PRORP: variants seen among roughly 807,000 people sequenced by gnomAD.
PRORP encodes the protein mitochondrial ribonuclease P catalytic subunit.
In PRORP, 51 loss-of-function variants were observed where a neutral mutation model predicts 59.4. That is an observed-to-expected ratio of 0.86 (90% CI 0.69 to 1.08). The LOEUF (loss-of-function observed/expected upper bound fraction) is 1.08, where lower values mean the gene tolerates loss of function less well. PRORP is among the 50% of genes least tolerant of loss of function. The pLI is 0.00. For synonymous variants in PRORP, 231 were observed against 245.6 expected, an observed-to-expected ratio of 0.94 and a Z score of 0.55; for missense variants, 646 against 690.3, an observed-to-expected ratio of 0.94 and a Z score of 0.72.
chr14:35,273,649 G>A lies in PRORP; in HGVS notation c.*83G>A, dbSNP rs768522762. 7.8e-6 allele frequency: 10 copies of A among 1,287,006 alleles called. No homozygotes were observed. The highest frequency in any genetic ancestry group is 9.6e-6 in the Non-Finnish European group (9 of 936,952). The allele number at this position is 1,287,006 out of a possible 1,614,324, so 79.7% of individuals were successfully genotyped here. A position where few individuals can be genotyped will look rare whatever the true frequency, so the allele number is the denominator to read the frequency against. On this transcript the variant is annotated 3_prime_UTR_variant, in exon 8 of 8. Transcript: ENST00000534898. ...GCTCTTGAGCTGGTGTTTGTTTAGG[G>A]CATTGCCTCTGTCCTGAAGATAAAA...
chr14:35,262,408 TTA>T (rs2050928725), intron 5 of PRORP: 3 of 359,378 alleles, frequency 8.3e-6, no homozygotes, highest in Non-Finnish European at 1.6e-5. Flanking sequence ...GCTTATAAGA[TTA>T]TGTTTAAAAA....
intron 5 of PRORP, among the ~76,000 whole-genome samples, chr14:35,263,316 C>T (rs1334545684): frequency 2.6e-5 from 4 of 152,000 alleles, no homozygotes; most frequent in East Asian, 1.9e-4. Flanking sequence ...TATTTATTAA[C>T]GAAAAAATAT....
chr14:35,139,734 G>C (rs2047442362), intron 4 of PRORP, among the ~76,000 whole-genome samples: 1 of 146,068 alleles, frequency 6.8e-6, no homozygotes, highest in African/African-American at 2.4e-5. Context: ...TCCTAGGGCT[G>C]CCCTAACAAA....
intron 5 of PRORP, among the ~76,000 whole-genome samples, chr14:35,247,541 C>T (rs2050514973): frequency 6.6e-6 from 1 of 152,164 alleles, no homozygotes; most frequent in Non-Finnish European, 1.5e-5. Flanking sequence ...GAACTCCCCA[C>T]TCATCTTACT....
intron 4 of PRORP, among the ~76,000 whole-genome samples, chr14:35,173,996 A>T (rs774390377): frequency 1.3e-5 from 2 of 152,070 alleles, no homozygotes; most frequent in Non-Finnish European, 2.9e-5. Flanking sequence ...CATTCTCAGG[A>T]TGGCTGGTTT....
At position 35,267,018 on chromosome 14, in the gene PRORP, C is replaced by T. The variant is rs1208898326; in HGVS notation, c.1424+143C>T. On this transcript the variant is annotated intron_variant, in intron 6 of 7. Transcript: ENST00000534898. ...AAAAAAAAAAAAAGATTTGAGACAA[C>T]TTACAAAACTACGGTTTCTTCTAAA... 7 of 791,166 alleles carry T rather than the reference C, an allele frequency of 8.8e-6. No individual in the cohort carries two copies. The African/African-American group carries it at 1.3e-4, about 15-fold the overall frequency. The allele number at this position is 791,166 out of a possible 1,614,324, so 49.0% of individuals were successfully genotyped here.
At chr14:35,252,332 C>T (rs767958293) in intron 5 of PRORP, among the ~76,000 whole-genome samples, 6 of 152,054 alleles carry the variant, frequency 3.9e-5, no homozygotes, top group Admixed American at 6.5e-5. Context: ...CTGAAGCAGG[C>T]GGATGACTTG....
chr14:35,154,305 CGTT>C (rs1327398868), intron 4 of PRORP, among the ~76,000 whole-genome samples: 2 of 152,118 alleles, frequency 1.3e-5, no homozygotes, highest in East Asian at 1.9e-4. Flanking sequence ...AGCATCAAAT[CGTT>C]GTTGAGGTTT....
In PRORP at chr14:35,211,495, A is replaced by G. The variant is rs549816563; in HGVS notation, c.1275+30718A>G. 2.0e-5 allele frequency among the ~76,000 whole-genome samples: 3 copies of G among 152,268 alleles called. No individual in the cohort carries two copies. The South Asian group carries it at 6.2e-4, about 32-fold the overall frequency. On this transcript the variant is annotated intron_variant, in intron 5 of 7. Coordinates refer to ENST00000534898, the MANE Select transcript of PRORP (RefSeq NM_014672.4). The stretch of plus-strand genomic sequence containing the variant: ...AATAGACAGATAACTATCAGCCAAG[A>G]AGAAATATACGTATACTGCAGAGAT...
At chr14:35,170,887 T>A (rs1442187600) in intron 4 of PRORP, among the ~76,000 whole-genome samples, 1 of 152,052 alleles carries the variant, frequency 6.6e-6, no homozygotes, top group Non-Finnish European at 1.5e-5. Context: ...TTCACTCTTG[T>A]TGCCCAGGCT....
chr14:35,129,924 CCTG>C (rs1274694347), intron 4 of PRORP, among the ~76,000 whole-genome samples: 8 of 152,134 alleles, frequency 5.3e-5, no homozygotes, highest in African/African-American at 1.9e-4. Context: ...ACTTTGTCTC[CCTG>C]CTTTTTAACT....
chr14:35,253,391 AGAAAGAAAGAAG>A (rs1018711710), intron 5 of PRORP, among the ~76,000 whole-genome samples: 7 of 124,526 alleles, frequency 5.6e-5, no homozygotes, highest in African/African-American at 1.9e-4. Context: ...AGAAAGAAAA[AGAAAGAAAGAAG>A]GAAAGAAAGA....
intron 5 of PRORP, among the ~76,000 whole-genome samples, chr14:35,192,605 G>A (rs1730927730): frequency 6.6e-6 from 1 of 152,116 alleles, no homozygotes; most frequent in African/African-American, 2.4e-5. Flanking sequence ...AATAAATTAG[G>A]TTTTCTTTTC....
At chr14:35,143,669 CAG>C (rs1186215343) in intron 4 of PRORP, among the ~76,000 whole-genome samples, 5 of 144,732 alleles carry the variant, frequency 3.5e-5, no homozygotes, top group African/African-American at 1.2e-4. Flanking sequence ...GTTTTTGAGA[CAG>C]AGTTTTGCTC....
chr14:35,195,534 A>G (rs2048987130), intron 5 of PRORP, among the ~76,000 whole-genome samples: 2 of 152,170 alleles, frequency 1.3e-5, no homozygotes, highest in South Asian at 4.1e-4. Flanking sequence ...TCCTTTATAT[A>G]GTTATGTATT....
chr14:35,169,334 A>C (rs1459729490), intron 4 of PRORP, among the ~76,000 whole-genome samples: 1 of 151,898 alleles, frequency 6.6e-6, no homozygotes, highest in Non-Finnish European at 1.5e-5. Flanking sequence ...ATGTGTGTGT[A>C]TGTGTGTATC....
chr14:35,271,245 G>A (rs1332742650), intron 7 of PRORP, among the ~76,000 whole-genome samples: 5 of 132,582 alleles, frequency 3.8e-5, no homozygotes, highest in African/African-American at 5.7e-5. Flanking sequence ...TACAGCCTCC[G>A]CCTCCCAGGT....
chr14:35,138,019 GA>G (rs1284559626), intron 4 of PRORP, among the ~76,000 whole-genome samples: 1 of 145,930 alleles, frequency 6.9e-6, no homozygotes, highest in Non-Finnish European at 1.5e-5. Context: ...TTTAACAGCA[GA>G]AATTCATTTT....
At position 35,141,913 on chromosome 14, in the gene PRORP, T is replaced by C. The variant is rs951840835; in HGVS notation, c.1167+14302T>C. On this transcript the variant is annotated intron_variant, in intron 4 of 7. Coordinates refer to ENST00000534898, the MANE Select transcript of PRORP (RefSeq NM_014672.4). The stretch of plus-strand genomic sequence containing the variant: ...TTTTTTTTAAGACGGAGTGTTGCTG[T>C]TGTTGCCCAGGCTGGAGTGCAATGG... Among the ~76,000 whole-genome samples the C allele has an allele frequency of 1.3e-4, 18 of 143,696 alleles. 1 individual carries two copies. The highest frequency in any genetic ancestry group is 4.4e-4 in the African/African-American group (18 of 40,850). The allele number at this position is 143,696 out of a possible 152,430, so 94.3% of individuals were successfully genotyped here. A position where few individuals can be genotyped will look rare whatever the true frequency, so the allele number is the denominator to read the frequency against.
Sources: allele counts gnomAD v4.1 joint callset (sites outside exome capture counted in the v4.1 genomes callset), GRCh38; gene constraint gnomAD v4.1.1; transcripts MANE v1.5; gene names NCBI Gene and HGNC (gene_info 2026-07-23, HGNC 2026-07-21).